The following MCC variants were observed in gnomAD, a reference collection of about 807,000 sequenced individuals.
MCC encodes colorectal mutant cancer protein.
MCC carries 90 observed loss-of-function variants against 116.2 expected under a neutral mutation model. That is an observed-to-expected ratio of 0.77 (90% CI 0.65 to 0.92). MCC has a LOEUF of 0.92. Among genes scored for constraint, MCC ranks in the 40% least tolerant of loss-of-function variants. The pLI, the probability that MCC is intolerant of heterozygous loss-of-function variation, is 0.00. For synonymous variants in MCC, 578 were observed against 510.5 expected, an observed-to-expected ratio of 1.13 and a Z score of -1.78; for missense variants, 1,516 against 1,312.2, an observed-to-expected ratio of 1.16 and a Z score of -2.40.
chr5:113,485,909 T>C (rs1444701006), intron 1 of MCC, among the ~76,000 whole-genome samples: 1 of 152,242 alleles, frequency 6.6e-6, no homozygotes, highest in African/African-American at 2.4e-5. Context: ...CCAACTCTCA[T>C]GTCTGATAGA....
At chr5:113,330,376 T>A (rs1242006683) in intron 3 of MCC, among the ~76,000 whole-genome samples, 1 of 152,232 alleles carries the variant, frequency 6.6e-6, no homozygotes, top group Non-Finnish European at 1.5e-5. Context: ...TTCCTGTACC[T>A]TTTTTCTCCC....
At chr5:113,454,171 C>T (rs1260190912) in intron 1 of MCC, among the ~76,000 whole-genome samples, 2 of 152,258 alleles carry the variant, frequency 1.3e-5, no homozygotes, top group East Asian at 3.9e-4. Context: ...ATCCTAAGAT[C>T]ATAGCTCGAT....
chr5:113,368,286 TA>T (rs1768751207), intron 2 of MCC, among the ~76,000 whole-genome samples: 1 of 152,222 alleles, frequency 6.6e-6, no homozygotes, highest in African/African-American at 2.4e-5. Flanking sequence ...TCCCTAGTGT[TA>T]TAAAATTTCA....
At chr5:113,165,486 G>A (rs1465932479) in intron 3 of MCC, among the ~76,000 whole-genome samples, 1 of 152,084 alleles carries the variant, frequency 6.6e-6, no homozygotes, top group East Asian at 1.9e-4. Context: ...ATAAAGTATG[G>A]CAGGGGTAGT....
At chr5:113,281,737 G>GA (rs1193951607) in intron 3 of MCC, among the ~76,000 whole-genome samples, 4 of 152,022 alleles carry the variant, frequency 2.6e-5, no homozygotes, top group African/African-American at 7.2e-5. Flanking sequence ...GGTAGAGAAA[G>GA]AAAAAAACAA....
intron 1 of MCC, among the ~76,000 whole-genome samples, chr5:113,473,683 A>T (rs967971642): frequency 6.6e-6 from 1 of 152,226 alleles, no homozygotes; most frequent in Non-Finnish European, 1.5e-5. Context: ...AAAAATCCTA[A>T]CCAAGAATTC....
At chr5:113,170,200 T>C (rs115334032) in intron 3 of MCC, among the ~76,000 whole-genome samples, 1,822 of 152,342 alleles carry the variant, frequency 0.012, 35 homozygotes, top group African/African-American at 0.041. Context: ...AATTTCTTTT[T>C]TCTTCTTTAC....
At chr5:113,413,321 G>C (rs554713584) in intron 1 of MCC, among the ~76,000 whole-genome samples, 116 of 152,222 alleles carry the variant, frequency 7.6e-4, no homozygotes, top group African/African-American at 2.7e-3. Flanking sequence ...TTTTTCTATT[G>C]ATTGGAATAG....
intron 3 of MCC, chr5:113,294,662 T>TCCCGCGCGCACCGTC: frequency 9.4e-7 from 1 of 1,069,432 alleles, no homozygotes; most frequent in African/African-American, 1.7e-5. Context: ...GCGGGGACCC[T>TCCCGCGCGCACCGTC]CCCGCGCGCA....
At chr5:113,288,797 T>C (rs1162431094) in intron 3 of MCC, among the ~76,000 whole-genome samples, 2 of 152,212 alleles carry the variant, frequency 1.3e-5, no homozygotes, top group African/African-American at 4.8e-5. Flanking sequence ...GGCACAAATC[T>C]TGACTCCACC....
At chr5:113,132,443 TAC>T (rs140363649) in intron 5 of MCC, among the ~76,000 whole-genome samples, 2,694 of 36,288 alleles carry the variant, frequency 0.074, 145 homozygotes, top group East Asian at 0.12. Context: ...TATATATATA[TAC>T]ACACACACAC....
At chr5:113,451,280 A>G (rs2150420222) in intron 1 of MCC, among the ~76,000 whole-genome samples, 1 of 152,382 alleles carries the variant, frequency 6.6e-6, no homozygotes, top group South Asian at 2.1e-4. Context: ...AGATAAAGCA[A>G]GGGATCTTTT....
intron 3 of MCC, among the ~76,000 whole-genome samples, chr5:113,201,094 C>A (rs979207980): frequency 6.6e-6 from 1 of 152,046 alleles, no homozygotes; most frequent in Non-Finnish European, 1.5e-5. Flanking sequence ...AAATAAGAAA[C>A]TACTGGCCTG....
intron 11 of MCC, among the ~76,000 whole-genome samples, chr5:113,078,066 A>G (rs62374677): frequency 6.6e-6 from 1 of 152,176 alleles, no homozygotes; most frequent in African/African-American, 2.4e-5. Context: ...AGAAACAGAT[A>G]AATTCCTGGA....
At chr5:113,339,983 A>G (rs749894340) in intron 3 of MCC, among the ~76,000 whole-genome samples, 1 of 152,286 alleles carries the variant, frequency 6.6e-6, no homozygotes, top group African/African-American at 2.4e-5. Flanking sequence ...AGAGAAGACA[A>G]TAGCTCTTTG....
At chr5:113,067,977 T>C in intron 13 of MCC, 103 bp downstream of exon 13, 1 of 987,862 alleles carries the variant, frequency 1.0e-6, no homozygotes, top group Non-Finnish European at 1.6e-6. Context: ...ACAACCAAAT[T>C]TTGTGTTGTC....
intron 3 of MCC, among the ~76,000 whole-genome samples, chr5:113,334,087 T>C (rs1042101712): frequency 2.7e-5 from 4 of 147,450 alleles, no homozygotes; most frequent in Non-Finnish European, 4.4e-5. Flanking sequence ...CCAAGTAGTA[T>C]AGCTGACAGA....
intron 1 of MCC, among the ~76,000 whole-genome samples, chr5:113,443,220 G>T (rs1771100453): frequency 1.3e-5 from 2 of 152,278 alleles, no homozygotes; most frequent in East Asian, 3.9e-4. Context: ...CACATTGCTT[G>T]TAAGTTGGAT....
chr5:113,175,027 T>C (rs1182041198), intron 3 of MCC, among the ~76,000 whole-genome samples: 6 of 152,218 alleles, frequency 3.9e-5, no homozygotes, highest in African/African-American at 1.4e-4. Flanking sequence ...AACACCAAAT[T>C]GTTAATGCTG....
Sources: allele counts gnomAD v4.1 joint callset (sites outside exome capture counted in the v4.1 genomes callset), GRCh38; gene constraint gnomAD v4.1.1; transcripts MANE v1.5; gene names NCBI Gene and HGNC (gene_info 2026-07-23, HGNC 2026-07-21).